Variants in MTMR9 observed in about 807,000 individuals in gnomAD.
MTMR9 encodes myotubularin-related protein 9.
MTMR9 carries 39 observed loss-of-function variants against 69.5 expected under a neutral mutation model. The ratio of observed to expected loss-of-function variants is 0.56; its 90% CI spans 0.43 to 0.73. MTMR9 has a LOEUF of 0.73. Among genes scored for constraint, MTMR9 ranks in the 30% least tolerant of loss-of-function variants. The probability of loss-of-function intolerance (pLI) is 0.00; values close to 1 mark genes in which losing one functional copy is unlikely to be tolerated. For missense variants in MTMR9, 900 were observed against 671.2 expected, an observed-to-expected ratio of 1.34 and a Z score of -3.77; for synonymous variants, 354 against 240.8, an observed-to-expected ratio of 1.47 and a Z score of -4.35.
chr8:11,315,725 T>G (rs1585130596), intron 7 of MTMR9: 1 of 152,472 alleles, frequency 6.6e-6, no homozygotes, highest in African/African-American at 2.4e-5. Context: ...GTACACCATG[T>G]CCACCCTGCC....
chr8:11,315,616 C>G (rs575181593), intron 7 of MTMR9, among the ~76,000 whole-genome samples: 7 of 152,328 alleles, frequency 4.6e-5, no homozygotes, highest in African/African-American at 1.7e-4. Flanking sequence ...TATTTGAACA[C>G]AAATGCTTAC....
intron 2 of MTMR9, among the ~76,000 whole-genome samples, chr8:11,299,154 C>G (rs1799663143): frequency 6.6e-6 from 1 of 152,030 alleles, no homozygotes; most frequent in Non-Finnish European, 1.5e-5. Flanking sequence ...ATGGTGAAAC[C>G]CCATCTCTAC....
chr8:11,286,118 A>G (rs1585102056), intron 1 of MTMR9, among the ~76,000 whole-genome samples: 1 of 151,536 alleles, frequency 6.6e-6, no homozygotes, highest in East Asian at 2.0e-4. Context: ...ACACCCGGCT[A>G]ATTTTTGTAT....
At chr8:11,302,887 G>T (rs1045800502) in intron 3 of MTMR9, among the ~76,000 whole-genome samples, 12 of 151,938 alleles carry the variant, frequency 7.9e-5, no homozygotes, top group African/African-American at 2.7e-4. Context: ...AGATTATTGG[G>T]TTTCTAGGAA....
Position 11,319,742 on chromosome 8 carries a change from C to A in MTMR9, c.1390C>A (p.Pro464Thr), listed in dbSNP as rs1454858994. ...TMSLWSWVNQ[P>T]SELSKFTNPL... The stretch of plus-strand genomic sequence containing the variant: ...GTCTTTGTGGTCCTGGGTTAATCAG[C>A]CCAGTGAGCTGAGTAAATTCACCAA... Residue 464 changes from proline to threonine, a missense_variant, in exon 9 of 10, where the codon CCC (proline) becomes ACC (threonine). Pro to Thr is a conservative substitution (Grantham distance 38). Coordinates refer to ENST00000221086, the MANE Select transcript of MTMR9 (RefSeq NM_015458.4). 5 of 1,614,010 alleles carry A rather than the reference C, an allele frequency of 3.1e-6. No individual in the cohort carries two copies. Among genetic ancestry groups the A allele is most frequent in the Non-Finnish European group, 3.4e-6 (4 of 1,179,986 alleles).
At chr8:11,305,824 T>C (rs1799919016) in intron 4 of MTMR9, among the ~76,000 whole-genome samples, 2 of 152,214 alleles carry the variant, frequency 1.3e-5, no homozygotes, top group African/African-American at 4.8e-5. Context: ...GCCAACTCTA[T>C]GTATGTTTAG....
rs1383871751 is a variant in MTMR9 at position 11,306,195 on chromosome 8, T to C, written c.597T>C (p.Ile199=). The change falls in exon 5 of 10, where the codon ATT becomes ATC. Residue 199 remains isoleucine (I), a synonymous_variant. Transcript: ENST00000221086. ...CAGCTTTATTATGCTTCTAGGTAAT[T>C]ATGCGAAGTGGTCAGCCACTCACTG... The part of the protein sequence containing the change: ...SYYHKKNGMV[I]MRSGQPLTGT... 14 of 1,612,502 alleles carry C rather than the reference T, an allele frequency of 8.7e-6. No homozygotes were observed. The highest frequency in any genetic ancestry group is 1.2e-5 in the Non-Finnish European group (14 of 1,179,830).
intron 9 of MTMR9, chr8:11,321,302 C>T (rs894012638): frequency 7.7e-6 from 3 of 391,296 alleles, no homozygotes; most frequent in African/African-American, 2.1e-5. Flanking sequence ...TCGTGATTGT[C>T]GTCACAGTCA....
At chr8:11,314,172 TTGTG>T (rs1044574758) in intron 6 of MTMR9, among the ~76,000 whole-genome samples, 2 of 152,206 alleles carry the variant, frequency 1.3e-5, no homozygotes, top group Admixed American at 6.5e-5. Flanking sequence ...CCCGAAGCTT[TTGTG>T]TGAAGTTGGT....
downstream of MTMR9, chr8:11,330,745 C>T (rs980139697): frequency 5.7e-5 from 22 of 388,662 alleles, no homozygotes; most frequent in South Asian, 1.5e-4. Context: ...CATCACCACT[C>T]CCTAATCTCA....
intron 3 of MTMR9, among the ~76,000 whole-genome samples, chr8:11,301,877 G>A (rs1278881017): frequency 6.6e-6 from 1 of 152,100 alleles, no homozygotes; most frequent in Non-Finnish European, 1.5e-5. Context: ...GAACAGAGAA[G>A]GAAGATGGAA....
chr8:11,339,084 T>A, the MTMR9 span, among the ~76,000 whole-genome samples: 1 of 152,222 alleles, frequency 6.6e-6, no homozygotes, highest in Non-Finnish European at 1.5e-5. Context: ...ATTAGCACCA[T>A]TCTCCAGGAC....
In MTMR9 at chr8:11,287,946, C is replaced by A. The variant is rs551783558; in HGVS notation, c.182+2876C>A. On this transcript the variant is annotated intron_variant, in intron 1 of 9. Coordinates refer to ENST00000221086, the MANE Select transcript of MTMR9 (RefSeq NM_015458.4). ...ATATTATATAATATGTGTTATATAT[C>A]ATACGTATTATATACTATGTATTAT... Among the ~76,000 whole-genome samples the A allele has an allele frequency of 1.6e-3, 184 of 118,026 alleles. 2 individuals carry two copies. Among genetic ancestry groups the A allele is most frequent in the African/African-American group, 5.2e-3 (162 of 31,038 alleles). The allele number at this position is 118,026 out of a possible 152,430, so 77.4% of individuals were successfully genotyped here.
rs1800935504 is a variant in MTMR9 at position 11,326,472 on chromosome 8, G to GTTGTTGTTA, written c.*3692_*3693insATTGTTGTT. The GTTGTTGTTA allele has an allele frequency of 3.7e-5, 5 of 135,304 alleles. No homozygotes were observed. The South Asian group carries it at 1.2e-3, about 32-fold the overall frequency. 8.4% of individuals were successfully genotyped at this position (135,304 alleles called of 1,614,324 possible). ...CATTCAGTACATCTGATAAAGTTTT[G>GTTGTTGTTA]TTGTTGTTGTTGTTGTTGTTGTTTT... is the stretch of plus-strand genomic sequence containing the variant. On this transcript the variant is annotated 3_prime_UTR_variant, in exon 10 of 10. Coordinates refer to ENST00000221086, the MANE Select transcript of MTMR9 (RefSeq NM_015458.4).
intron 1 of MTMR9, among the ~76,000 whole-genome samples, chr8:11,288,242 A>G (rs955394138): frequency 1.5e-5 from 2 of 137,650 alleles, no homozygotes; most frequent in East Asian, 2.0e-4. Context: ...TATAATAATA[A>G]TAATTATATT....
intron 1 of MTMR9, among the ~76,000 whole-genome samples, chr8:11,291,964 A>G (rs1056504786): frequency 6.6e-6 from 1 of 152,124 alleles, no homozygotes; most frequent in Non-Finnish European, 1.5e-5. Context: ...ATATATGTAC[A>G]CACCCTGAAA....
chr8:11,301,474 C>T (rs1799746623), intron 3 of MTMR9, among the ~76,000 whole-genome samples: 1 of 152,132 alleles, frequency 6.6e-6, no homozygotes, highest in Admixed American at 6.6e-5. Flanking sequence ...AAACCTAGAC[C>T]CTTACCTCAC....
rs1800871092 is a variant in MTMR9, at chr8:11,325,103, G to T, written c.*2315G>T. On this transcript the variant is annotated 3_prime_UTR_variant, in exon 10 of 10. Coordinates refer to ENST00000221086, the MANE Select transcript of MTMR9 (RefSeq NM_015458.4). ...CAATCTATACTGTTTTGGCAAGTTT[G>T]CATTTTAGTATTAATTTATAATTAG... The T allele has an allele frequency of 6.6e-6, 1 of 152,192 alleles. No individual in the cohort carries two copies. Among genetic ancestry groups the T allele is most frequent in the Non-Finnish European group, 1.5e-5 (1 of 68,028 alleles). 9.4% of individuals were successfully genotyped at this position (152,192 alleles called of 1,614,324 possible).
Position 11,324,986 on chromosome 8 carries a change from G to A in MTMR9, c.*2198G>A, listed in dbSNP as rs1394479758. 2.6e-5 allele frequency: 4 copies of A among 152,256 alleles called. No individual in the cohort carries two copies. The highest frequency in any genetic ancestry group is 9.6e-5 in the African/African-American group (4 of 41,458). 9.4% of individuals were successfully genotyped at this position (152,256 alleles called of 1,614,324 possible). ...GGAGGGATGATGTACCATCAAGGTA[G>A]ACCCATCTTCCTGATGCACATTTGC... On this transcript the variant is annotated 3_prime_UTR_variant, in exon 10 of 10. Transcript: ENST00000221086.
Sources: allele counts gnomAD v4.1 joint callset (sites outside exome capture counted in the v4.1 genomes callset), GRCh38; gene constraint gnomAD v4.1.1; transcripts MANE v1.5; gene names NCBI Gene and HGNC (gene_info 2026-07-23, HGNC 2026-07-21).